OPHN1: variants seen among roughly 807,000 people sequenced by gnomAD.
OPHN1 encodes oligophrenin-1.
Under a neutral mutation model 60.7 loss-of-function variants are expected in OPHN1, and 11 were observed. That is an observed-to-expected ratio of 0.18 (90% CI 0.11 to 0.30). The LOEUF is 0.30. OPHN1 is among the 10% of genes least tolerant of loss of function. OPHN1 has a pLI of 1.00. For missense variants in OPHN1, 449 were observed against 611.0 expected (o/e 0.73, Z 2.80); for synonymous variants, 226 against 222.6 (o/e 1.02, Z -0.14).
At chrX:68,273,693 A>T (rs1338390096) in intron 5 of OPHN1, among the ~76,000 whole-genome samples, 1 of 112,186 alleles carries the variant, frequency 8.9e-6, no homozygotes, top group Non-Finnish European at 1.9e-5. Flanking sequence ...ATAGACAGCA[A>T]AGATCTAGAC....
chrX:68,164,975 C>T (rs181963978), intron 15 of OPHN1, among the ~76,000 whole-genome samples: 70 of 112,027 alleles, frequency 6.2e-4, no homozygotes, highest in Middle Eastern at 9.2e-3. Context: ...GAACCAACAA[C>T]CTATGCTAGC....
At chrX:68,100,326 G>C (rs1011579659) in intron 18 of OPHN1, among the ~76,000 whole-genome samples, 1 of 111,100 alleles carries the variant, frequency 9.0e-6, no homozygotes, top group Non-Finnish European at 1.9e-5. Flanking sequence ...AACTAAAAAG[G>C]AAGCAGAAAT....
chrX:68,110,230 G>C (rs1021665776), intron 18 of OPHN1, among the ~76,000 whole-genome samples: 11 of 111,832 alleles, frequency 9.8e-5, no homozygotes, highest in African/African-American at 2.6e-4. Context: ...TTGTATTTTT[G>C]TTACTATGAG....
chrX:68,383,547 C>T (rs142713830), intron 2 of OPHN1, among the ~76,000 whole-genome samples: 2,292 of 94,323 alleles, frequency 0.024, 77 homozygotes, highest in African/African-American at 0.087. Context: ...TGCAGTGAGC[C>T]GAGGTCATAC....
chrX:68,427,218 G>A (rs2078043968), intron 2 of OPHN1, among the ~76,000 whole-genome samples: 1 of 107,850 alleles, frequency 9.3e-6, no homozygotes, highest in Non-Finnish European at 1.9e-5. Context: ...GCAGTGAGCC[G>A]AGATTGCGCC....
At chrX:68,413,585 C>T (rs2078779358) in intron 2 of OPHN1, among the ~76,000 whole-genome samples, 1 of 111,375 alleles carries the variant, frequency 9.0e-6, no homozygotes, top group Non-Finnish European at 1.9e-5. Flanking sequence ...GGGGTTATCC[C>T]TCTCTGTTGC....
chrX:68,116,158 C>T (rs1230430230), intron 16 of OPHN1, among the ~76,000 whole-genome samples: 2 of 110,862 alleles, frequency 1.8e-5, no homozygotes, highest in African/African-American at 3.3e-5. Context: ...AGAGAGAGTA[C>T]GTTGTAAAAT....
chrX:68,191,166 C>T (rs943821054), intron 15 of OPHN1, among the ~76,000 whole-genome samples: 2 of 111,711 alleles, frequency 1.8e-5, no homozygotes, highest in Non-Finnish European at 1.9e-5. Context: ...CTGCCACCCA[C>T]GAAAGGAAGA....
intron 2 of OPHN1, among the ~76,000 whole-genome samples, chrX:68,310,399 T>G (rs976729986): frequency 3.6e-5 from 4 of 109,968 alleles, no homozygotes; most frequent in African/African-American, 1.3e-4. Flanking sequence ...ATTTTAAAAC[T>G]AATCCTGAAC....
rs748029709 is a variant in OPHN1, at chrX:68,411,727, T to C, written c.154+21140A>G. Among the ~76,000 whole-genome samples, 7 of 112,305 alleles carry C rather than the reference T, an allele frequency of 6.2e-5. No homozygotes were observed. In the South Asian group the frequency reaches 2.6e-3, roughly 42 times the overall value. On this transcript the variant is annotated intron_variant, in intron 2 of 24. Transcript: ENST00000355520. ...TCTCCCATTCTGTAGCTGGTCTGTT[T>C]ACTGTGTTGATAGTTTTATTTGCTG...
At chrX:68,070,678 C>G in intron 20 of OPHN1, 1 of 980,764 alleles carries the variant, frequency 1.0e-6, no homozygotes, top group African/African-American at 1.9e-5. Context: ...GTAATGCAGC[C>G]CCTAGAAGTG....
intron 2 of OPHN1, among the ~76,000 whole-genome samples, chrX:68,374,129 G>A (rs1027131686): frequency 9.1e-6 from 1 of 110,402 alleles, no homozygotes; most frequent in Non-Finnish European, 1.9e-5. Flanking sequence ...AGGCCAAGGC[G>A]GGCGGATCAC....
At chrX:68,094,496 T>C (rs776352957) in intron 19 of OPHN1, among the ~76,000 whole-genome samples, 6 of 112,098 alleles carry the variant, frequency 5.4e-5, no homozygotes, top group Non-Finnish European at 9.4e-5. Flanking sequence ...CTTAAACTTA[T>C]AATTTTTAAA....
rs1266981689 is a variant in OPHN1, at chrX:68,426,569, T to TATAA, written c.154+6297_154+6298insTTAT. ...CATCTGTTTTATATATATATATATA[T>TATAA]ACATACACAGAGGCTGGGCGTGATG... is the stretch of plus-strand genomic sequence containing the variant. On this transcript the variant is annotated intron_variant, in intron 2 of 24. Transcript: ENST00000355520. 2.9e-4 allele frequency among the ~76,000 whole-genome samples: 12 copies of TATAA among 41,581 alleles called. 2 individuals are homozygous for TATAA. The highest frequency in any genetic ancestry group is 4.2e-4 in the Non-Finnish European group (6 of 14,337). 36.1% of individuals were successfully genotyped at this position (41,581 alleles called of 115,157 possible).
intron 2 of OPHN1, among the ~76,000 whole-genome samples, chrX:68,425,947 C>G (rs182005885): frequency 1.9e-5 from 2 of 108,077 alleles, no homozygotes; most frequent in East Asian, 5.9e-4. Context: ...CCTCCCACCT[C>G]AGCCCCCTGA....
rs1188011531 is a variant in OPHN1 at position 68,425,812 on chromosome X, C to CTTTTT, written c.154+7050_154+7054dup. ...TGAGCCAATGCACCTGGACTGGATT[C>CTTTTT]TTTTTTTTTTTTTTTTTTTTTTTTT... On this transcript the variant is annotated intron_variant, in intron 2 of 24. Transcript: ENST00000355520. 9.9e-3 allele frequency among the ~76,000 whole-genome samples: 382 copies of CTTTTT among 38,653 alleles called. 123 individuals carry two copies. Among genetic ancestry groups the CTTTTT allele is most frequent in the Admixed American group, 0.012 (24 of 1,946 alleles). The allele number at this position is 38,653 out of a possible 115,157, so 33.6% of individuals were successfully genotyped here. A position where few individuals can be genotyped will look rare whatever the true frequency, so the allele number is the denominator to read the frequency against.
Position 68,369,295 on chromosome X carries a change from C to T in OPHN1, c.154+63572G>A, listed in dbSNP as rs775140817. Among the ~76,000 whole-genome samples the T allele has an allele frequency of 5.0e-3, 552 of 111,324 alleles. 6 individuals are homozygous for T. Among genetic ancestry groups the T allele is most frequent in the African/African-American group, 0.017 (528 of 30,710 alleles). ...TGAGATCAGGAGTTCAAAACCAGCCCAGGCAACATAGCAAGACTTCATCTC... is the reference window on the plus strand; with the variant it reads ...TGAGATCAGGAGTTCAAAACCAGCCTAGGCAACATAGCAAGACTTCATCTC... On this transcript the variant is annotated intron_variant, in intron 2 of 24. Transcript: ENST00000355520.
In OPHN1 at chrX:68,113,107, C is replaced by G. The variant is rs889147600; in HGVS notation, c.1420+74G>C. On this transcript the variant is annotated intron_variant, in intron 17 of 24. Coordinates refer to ENST00000355520, the MANE Select transcript of OPHN1 (RefSeq NM_002547.3). Reference sequence around the variant, plus strand: ...GTGCCCTCAATCACTTCCCCTCAAACAATTTTCTAGGCTTATTGCAGTAAA... The same window carrying G: ...GTGCCCTCAATCACTTCCCCTCAAAGAATTTTCTAGGCTTATTGCAGTAAA... The G allele has an allele frequency of 3.2e-6, 3 of 937,053 alleles. No individual in the cohort carries two copies. The African/African-American group carries it at 5.8e-5, about 18-fold the overall frequency. The allele number at this position is 937,053 out of a possible 1,213,427, so 77.2% of individuals were successfully genotyped here. A position where few individuals can be genotyped will look rare whatever the true frequency, so the allele number is the denominator to read the frequency against.
chrX:68,311,388 A>G (rs1442315022), intron 2 of OPHN1, among the ~76,000 whole-genome samples: 1 of 112,453 alleles, frequency 8.9e-6, no homozygotes, highest in Admixed American at 9.5e-5. Context: ...ACATACAAGC[A>G]ACAAACATGA....
Sources: gnomAD v4.1 joint callset for allele counts (sites outside exome capture counted in the v4.1 genomes callset) on GRCh38, gnomAD v4.1.1 for gene constraint, MANE v1.5 for transcripts, NCBI Gene and HGNC (gene_info 2026-07-23, HGNC 2026-07-21) for gene names.